The following NAGPA variants were observed in gnomAD, a reference collection of about 807,000 sequenced individuals.
NAGPA encodes the protein alpha-N-acetylglucosaminyl phosphodiesterase.
A neutral mutation model predicts 48.5 loss-of-function variants in NAGPA; 56 were observed. The observed-to-expected ratio is 1.15, with a 90% CI of 0.93 to 1.44. The LOEUF is 1.44. NAGPA is among the 40% of genes most tolerant of loss of function. The pLI is 0.00. For missense variants in NAGPA, 888 were observed against 735.0 expected (o/e 1.21, Z -2.41); for synonymous variants, 399 against 315.5 (o/e 1.26, Z -2.81).
rs753631595 is a variant in NAGPA, at chr16:5,028,203, G to T, written c.921-18C>A. 6.4e-7 allele frequency: 1 copy of T among 1,552,642 alleles called. No homozygotes were observed. The highest frequency in any genetic ancestry group is 2.0e-5 in the Admixed American group (1 of 51,074). ...TGTCCTGGCTGTAGAGGGATGTGATGTGTGAGGAGAGGACACCCCCAGACG... is the reference window on the plus strand; with the variant it reads ...TGTCCTGGCTGTAGAGGGATGTGATTTGTGAGGAGAGGACACCCCCAGACG... On this transcript the variant is annotated intron_variant, in intron 5 of 9. Transcript: ENST00000312251.
Position 5,033,487 on chromosome 16 carries a change from C to T in NAGPA, c.328G>A (p.Gly110Ser). 6.4e-7 allele frequency: 1 copy of T among 1,567,588 alleles called. No individual in the cohort carries two copies. The highest frequency in any genetic ancestry group is 8.6e-7 in the Non-Finnish European group (1 of 1,165,020). ...CTCGCCGCGCAGCCGCCGGGTCCAC[C>T]GGGCTCCAGCACCGAGAAGGTGCGC... ...PLRTFSVLEP[G>S]GPGGCAARRR... Residue 110 changes from glycine to serine, a missense_variant, in exon 2 of 10, where the codon GGT becomes AGT. By Grantham distance (56) the Gly-to-Ser change is moderately conservative. Coordinates refer to ENST00000312251, the MANE Select transcript of NAGPA (RefSeq NM_016256.4). This position sits in a 1 kb window ranked among gnomAD's most constrained non-coding sequence, Gnocchi z 4.2.
At position 5,025,551 on chromosome 16, in the gene NAGPA, T is replaced by C. The variant is rs769681299; in HGVS notation, c.1475A>G (p.Gln492Arg). Residue 492 changes from glutamine to arginine, a missense_variant, in exon 10 of 10, where the codon CAG becomes CGG. Physicochemically the swap from Gln to Arg is conservative, Grantham distance 43. Transcript: ENST00000312251. ...GGCCAGAGGCTCCCCGTTCATCTCC[T>C]GCAGCGGGTGGTATGCATAGTCCCC... The part of the protein sequence containing the change: ...LHGDYAYHPL[Q>R]EMNGEPLAAE... 3.7e-6 allele frequency: 6 copies of C among 1,613,438 alleles called. No homozygotes were observed. The highest frequency in any genetic ancestry group is 3.3e-5 in the Admixed American group (2 of 60,012).
Position 5,027,977 on chromosome 16 carries a change from C to T in NAGPA, c.1126+3G>A, listed in dbSNP as rs1425281569. 1 of 1,613,816 alleles carries T rather than the reference C, an allele frequency of 6.2e-7. No individual in the cohort carries two copies. The highest frequency in any genetic ancestry group is 1.7e-5 in the Admixed American group (1 of 60,020). On this transcript the variant is annotated splice_donor_region_variant and intron_variant, in intron 6 of 9. Coordinates refer to ENST00000312251, the MANE Select transcript of NAGPA (RefSeq NM_016256.4). ...GAGCCCCCTCCCCAGAACCCCCACT[C>T]ACTCTCCGTGCACAGTCCGTGCTGG...
chr16:5,027,018 C>A (rs1956013031), intron 9 of NAGPA, 117 bp downstream of exon 9: 3 of 1,305,564 alleles, frequency 2.3e-6, no homozygotes, highest in Non-Finnish European at 3.2e-6. Context: ...GGTCCCGCTT[C>A]CTCTAAGGCA....
At position 5,033,665 on chromosome 16, in the gene NAGPA, G is replaced by C. The variant is rs758180831; in HGVS notation, c.150C>G (p.Asp50Glu). 1.9e-6 allele frequency: 3 copies of C among 1,592,032 alleles called. No homozygotes were observed. The highest frequency in any genetic ancestry group is 2.6e-6 in the Non-Finnish European group (3 of 1,174,484). The change falls in exon 2 of 10, where the codon GAC becomes GAG. Residue 50 changes from aspartate to glutamate, a missense_variant. Coordinates refer to ENST00000312251, the MANE Select transcript of NAGPA (RefSeq NM_016256.4). This position sits in a 1 kb window ranked among gnomAD's most constrained non-coding sequence, Gnocchi z 4.2. ...YPRARARLPR[D>E]CTRVRAGNRE... The stretch of plus-strand genomic sequence containing the variant: ...GGTTGCCGGCGCGCACCCGTGTGCA[G>C]TCCCGGGGGAGGCGCGCGCGCGCGC...
chr16:5,033,332 G>T lies in NAGPA; in HGVS notation c.483C>A (p.Ser161Arg). The T allele has an allele frequency of 6.3e-7, 1 of 1,597,554 alleles. No individual in the cohort carries two copies. Among genetic ancestry groups the T allele is most frequent in the South Asian group, 1.1e-5 (1 of 90,990 alleles). ...NVVSDERRVSSSGGLQNAQFG... is the reference protein window; with the variant it reads ...NVVSDERRVSRSGGLQNAQFG... ...ACTGCGCGTTCTGCAGCCCCCCGGA[G>T]CTGCTCACCCGCCGCTCGTCGCTCA... The change falls in exon 2 of 10, where the codon AGC (serine) becomes AGA (arginine). Residue 161 changes from serine to arginine, a missense_variant. Coordinates refer to ENST00000312251, the MANE Select transcript of NAGPA (RefSeq NM_016256.4). The surrounding 1 kb of genome is among the most constrained non-coding windows in gnomAD (Gnocchi z 4.2).
intron 4 of NAGPA, 143 bp from the exon 5 acceptor site, chr16:5,029,151 T>C: frequency 7.2e-7 from 1 of 1,384,134 alleles, no homozygotes; most frequent in Middle Eastern, 2.5e-4. Flanking sequence ...TGTCTCATCC[T>C]AGCCCCCGGA....
Position 5,033,058 on chromosome 16 carries a change from T to C in NAGPA, c.542+215A>G, listed in dbSNP as rs1956130374. 1 of 625,332 alleles carries C rather than the reference T, an allele frequency of 1.6e-6. No individual in the cohort carries two copies. Among genetic ancestry groups the C allele is most frequent in the Non-Finnish European group, 2.8e-6 (1 of 357,440 alleles). 38.7% of individuals were successfully genotyped at this position (625,332 alleles called of 1,614,324 possible). A position where few individuals can be genotyped will look rare whatever the true frequency, so the allele number is the denominator to read the frequency against. On this transcript the variant is annotated intron_variant, in intron 2 of 9. Coordinates refer to ENST00000312251, the MANE Select transcript of NAGPA (RefSeq NM_016256.4). This position sits in a 1 kb window ranked among gnomAD's most constrained non-coding sequence, Gnocchi z 4.2. ...AGGCAAAGACTGTGTTGTTCACGGC[T>C]ATCTCACCGGGGCGCGGCACATTGC...
Position 5,028,983 on chromosome 16 carries a change from A to G in NAGPA, c.817T>C (p.Phe273Leu), listed in dbSNP as rs752111392. The change falls in exon 5 of 10, where the codon TTC becomes CTC. Residue 273 changes from phenylalanine (F) to leucine (L), a missense_variant. Transcript: ENST00000312251. ...TTGACCACGTCCTGTTTCAGCAGGA[A>G]CTCCGCCATTTCCCACAGGTTGATG... ...RGINLWEMAE[F>L]LLKQDVVNAI... 9.3e-6 allele frequency: 15 copies of G among 1,613,568 alleles called. No individual in the cohort carries two copies. Among genetic ancestry groups the G allele is most frequent in the Admixed American group, 5.0e-5 (3 of 60,004 alleles).
At chr16:5,027,090 G>A (rs939619958) in intron 9 of NAGPA, 45 bp downstream of exon 9, 5 of 1,604,886 alleles carry the variant, frequency 3.1e-6, no homozygotes, top group African/African-American at 1.3e-5. Flanking sequence ...GGGAGAGAAG[G>A]GGGATTCCTC....
In NAGPA at chr16:5,028,862, C is replaced by T. The variant is rs754448455; in HGVS notation, c.920+18G>A. ...ACCTGGACTTCAGCCCTCACGAAGG[C>T]GGCTCTCACGTGCTTACCAGTGATC... is the stretch of plus-strand genomic sequence containing the variant. On this transcript the variant is annotated intron_variant, in intron 5 of 9. Coordinates refer to ENST00000312251, the MANE Select transcript of NAGPA (RefSeq NM_016256.4). 41 of 1,613,722 alleles carry T rather than the reference C, an allele frequency of 2.5e-5. No individual in the cohort carries two copies. Among genetic ancestry groups the T allele is most frequent in the Admixed American group, 2.0e-4 (12 of 60,000 alleles).
In NAGPA at chr16:5,033,297, C is replaced by T. The variant is rs1324122220; in HGVS notation, c.518G>A (p.Arg173His). The change falls in exon 2 of 10, where the codon CGC becomes CAC. Residue 173 changes from arginine to histidine, a missense_variant. Physicochemically the swap from Arg to His is conservative, Grantham distance 29 (BLOSUM62 0). Transcript: ENST00000312251. The surrounding 1 kb of genome is among the most constrained non-coding windows in gnomAD (Gnocchi z 4.2). ...GGLQNAQFGI[R>H]RDGTLVTGYL... Reference sequence around the variant, plus strand: ...CCCGGTGACCAGGGTCCCGTCGCGGCGGATCCCGAACTGCGCGTTCTGCAG... The same window carrying T: ...CCCGGTGACCAGGGTCCCGTCGCGGTGGATCCCGAACTGCGCGTTCTGCAG... 1.9e-6 allele frequency: 3 copies of T among 1,595,902 alleles called. No homozygotes were observed. Among genetic ancestry groups the T allele is most frequent in the African/African-American group, 2.7e-5 (2 of 74,830 alleles).
intron 2 of NAGPA, chr16:5,032,874 C>A: frequency 3.7e-6 from 1 of 267,820 alleles, no homozygotes; most frequent in South Asian, 4.5e-5. Flanking sequence ...TCAAAGGTCA[C>A]CTCGGAGAGG....
In NAGPA at chr16:5,028,106, A is replaced by G. The variant is rs1356099470; in HGVS notation, c.1000T>C (p.Cys334Arg). The change falls in exon 6 of 10, where the codon TGC becomes CGC. Residue 334 changes from cysteine (C) to arginine (R), a missense_variant. Physicochemically the swap from Cys to Arg is radical, Grantham distance 180. Coordinates refer to ENST00000312251, the MANE Select transcript of NAGPA (RefSeq NM_016256.4). ...VHEPRCQPPD[C>R]HGHGTCVDGH... ...TCCACGCAGGTCCCGTGGCCGTGGC[A>G]GTCAGGCGGCTGGCAGCGGGGTTCG... 8.1e-6 allele frequency: 13 copies of G among 1,611,582 alleles called. No homozygotes were observed. Among genetic ancestry groups the G allele is most frequent in the Non-Finnish European group, 1.1e-5 (13 of 1,179,106 alleles).
Position 5,027,079 on chromosome 16 carries a change from C to T in NAGPA, c.1340+56G>A, listed in dbSNP as rs199863158. On this transcript the variant is annotated intron_variant, in intron 9 of 9. Coordinates refer to ENST00000312251, the MANE Select transcript of NAGPA (RefSeq NM_016256.4). ...AGATGGACCTCACAGGGGAAGGGTG[C>T]GGGAGAGAAGGGGGATTCCTCCCGC... 53 of 1,594,382 alleles carry T rather than the reference C, an allele frequency of 3.3e-5. No homozygotes were observed. In the Middle Eastern group the frequency reaches 1.9e-3, roughly 57 times the overall value.
intron 4 of NAGPA, chr16:5,029,367 G>A (rs1956062345): frequency 2.8e-6 from 1 of 353,488 alleles, no homozygotes; most frequent in African/African-American, 2.2e-5. Flanking sequence ...GACAACTGGG[G>A]GAGAGGACAC....
chr16:5,032,490 C>CA (rs1956118269), intron 2 of NAGPA, among the ~76,000 whole-genome samples: 1 of 126,626 alleles, frequency 7.9e-6, no homozygotes, highest in South Asian at 2.7e-4. Context: ...CCCACTCCCC[C>CA]GTTCCCCACC....
chr16:5,028,307 G>A, intron 5 of NAGPA, 122 bp from the exon 6 acceptor site: 2 of 1,528,024 alleles, frequency 1.3e-6, no homozygotes, highest in Non-Finnish European at 8.8e-7. Context: ...CTACAAGATG[G>A]CGTCTATCTA....
In NAGPA at chr16:5,026,629, C is replaced by T. The variant is rs1029561413; in HGVS notation, c.1340+506G>A. On this transcript the variant is annotated intron_variant, in intron 9 of 9. Coordinates refer to ENST00000312251, the MANE Select transcript of NAGPA (RefSeq NM_016256.4). ...AAAATTATGTAAGCCAAATAAAACA[C>T]AGCTGGATGCTGGGCATGGGGGCTG... is the stretch of plus-strand genomic sequence containing the variant. Among the ~76,000 whole-genome samples, 10 of 152,164 alleles carry T rather than the reference C, an allele frequency of 6.6e-5. 1 individual carries two copies. The highest frequency in any genetic ancestry group is 2.9e-5 in the Non-Finnish European group (2 of 68,038).
Sources: allele counts gnomAD v4.1 joint callset (sites outside exome capture counted in the v4.1 genomes callset), GRCh38; gene constraint gnomAD v4.1.1; non-coding constraint Gnocchi (gnomAD v3.1); transcripts MANE v1.5; gene names NCBI Gene and HGNC (gene_info 2026-07-23, HGNC 2026-07-21).